IMMP2L: variants seen among roughly 807,000 people sequenced by gnomAD.
IMMP2L encodes mitochondrial inner membrane protease subunit 2.
In IMMP2L, 18 loss-of-function variants were observed where a neutral mutation model predicts 19.3. That is an observed-to-expected ratio of 0.93 (90% CI 0.64 to 1.38). The LOEUF (loss-of-function observed/expected upper bound fraction) is 1.38, where lower values mean the gene tolerates loss of function less well. Among genes scored for constraint, IMMP2L ranks in the 40% most tolerant of loss-of-function variants. IMMP2L has a pLI of 0.00. For missense variants in IMMP2L, 233 were observed against 218.2 expected, an observed-to-expected ratio of 1.07 and a Z score of -0.43; for synonymous variants, 76 against 73.0, an observed-to-expected ratio of 1.04 and a Z score of -0.21.
chr7:111,335,543 G>T (rs1367331216), intron 3 of IMMP2L, among the ~76,000 whole-genome samples: 1 of 152,090 alleles, frequency 6.6e-6, no homozygotes, highest in East Asian at 1.9e-4. Context: ...ATATCTCCAA[G>T]ATCACTAATA....
chr7:110,838,306 T>G (rs1804708716), intron 5 of IMMP2L, among the ~76,000 whole-genome samples: 1 of 152,170 alleles, frequency 6.6e-6, no homozygotes, highest in African/African-American at 2.4e-5. Context: ...GACGTTTTAT[T>G]ATATTGTATT....
At chr7:110,694,118 C>T (rs1179221646) in intron 5 of IMMP2L, among the ~76,000 whole-genome samples, 2 of 152,118 alleles carry the variant, frequency 1.3e-5, no homozygotes, top group African/African-American at 2.4e-5. Context: ...GTGAAATAGA[C>T]TTGTGAAACT....
intron 5 of IMMP2L, among the ~76,000 whole-genome samples, chr7:110,822,146 T>C (rs1803089328): frequency 6.6e-6 from 1 of 152,086 alleles, no homozygotes; most frequent in Admixed American, 6.6e-5. Flanking sequence ...TCTCCTAAAT[T>C]CTTTCTTCTG....
At chr7:111,493,442 C>T (rs1356998467) in intron 2 of IMMP2L, among the ~76,000 whole-genome samples, 2 of 152,152 alleles carry the variant, frequency 1.3e-5, no homozygotes, top group Admixed American at 6.5e-5. Flanking sequence ...GTGGCTCACG[C>T]CTGTAATCCC....
chr7:110,907,648 C>T (rs1191304005), intron 4 of IMMP2L, among the ~76,000 whole-genome samples: 1 of 152,194 alleles, frequency 6.6e-6, no homozygotes, highest in Non-Finnish European at 1.5e-5. Context: ...TACCTGCCTC[C>T]TGTCCCTATC....
intron 1 of IMMP2L, among the ~76,000 whole-genome samples, chr7:111,536,460 C>A (rs1480364688): frequency 6.6e-6 from 1 of 151,956 alleles, no homozygotes; most frequent in Non-Finnish European, 1.5e-5. Flanking sequence ...TGCACACCAC[C>A]AGGCCTGGCT....
intron 5 of IMMP2L, among the ~76,000 whole-genome samples, chr7:110,695,881 C>A (rs149252465): frequency 7.4e-4 from 113 of 152,318 alleles, no homozygotes; most frequent in African/African-American, 2.5e-3. Context: ...AGGACATATG[C>A]TGTGGGAACT....
At chr7:111,502,356 C>T (rs982148447) in intron 2 of IMMP2L, among the ~76,000 whole-genome samples, 10 of 152,086 alleles carry the variant, frequency 6.6e-5, no homozygotes, top group Non-Finnish European at 1.3e-4. Context: ...CTTAGACTCC[C>T]ACACAATAAT....
At chr7:110,936,997 G>GA (rs1406962852) in intron 4 of IMMP2L, among the ~76,000 whole-genome samples, 1 of 152,050 alleles carries the variant, frequency 6.6e-6, no homozygotes, top group Non-Finnish European at 1.5e-5. Flanking sequence ...AGTGGGAGTT[G>GA]AACAATGAGA....
chr7:111,221,478 A>G (rs1812503756), intron 3 of IMMP2L, among the ~76,000 whole-genome samples: 1 of 151,986 alleles, frequency 6.6e-6, no homozygotes, highest in South Asian at 2.1e-4. Context: ...TAGACAAGTA[A>G]CAAGCATTTC....
chr7:111,135,337 C>A (rs1156239906), intron 3 of IMMP2L, among the ~76,000 whole-genome samples: 1 of 152,088 alleles, frequency 6.6e-6, no homozygotes, highest in African/African-American at 2.4e-5. Flanking sequence ...TCCATGCTAA[C>A]CTACCTTGAT....
chr7:111,268,662 G>C (rs1312207146), intron 3 of IMMP2L, among the ~76,000 whole-genome samples: 1 of 131,620 alleles, frequency 7.6e-6, no homozygotes, highest in Non-Finnish European at 1.5e-5. Context: ...GCATGAACGG[G>C]GCTCACTAAA....
intron 5 of IMMP2L, among the ~76,000 whole-genome samples, chr7:110,845,622 G>A (rs1440981384): frequency 6.6e-6 from 1 of 152,054 alleles, no homozygotes; most frequent in Non-Finnish European, 1.5e-5. Flanking sequence ...GTAGATCATA[G>A]GTACTCTTTA....
At chr7:111,275,944 A>G (rs1818992027) in intron 3 of IMMP2L, among the ~76,000 whole-genome samples, 1 of 152,118 alleles carries the variant, frequency 6.6e-6, no homozygotes, top group South Asian at 2.1e-4. Context: ...TGTTCAGTGG[A>G]GTCTGCCGGG....
intron 3 of IMMP2L, among the ~76,000 whole-genome samples, chr7:111,099,067 G>A (rs1002030662): frequency 6.6e-6 from 1 of 151,458 alleles, no homozygotes; most frequent in Non-Finnish European, 1.5e-5. Context: ...ATGATTTTTT[G>A]TAGTTCAATT....
chr7:111,361,659 G>A (rs867442427), intron 3 of IMMP2L, among the ~76,000 whole-genome samples: 1 of 152,028 alleles, frequency 6.6e-6, no homozygotes, highest in African/African-American at 2.4e-5. Context: ...GCTGCCTAGG[G>A]ATACTAGTAG....
intron 4 of IMMP2L, among the ~76,000 whole-genome samples, chr7:110,932,580 T>C (rs902203796): frequency 6.6e-6 from 1 of 152,114 alleles, no homozygotes; most frequent in African/African-American, 2.4e-5. Flanking sequence ...GGTCTCGATC[T>C]CCTGACCTCG....
chr7:111,467,399 G>T (rs1840776885), intron 3 of IMMP2L, among the ~76,000 whole-genome samples: 1 of 152,084 alleles, frequency 6.6e-6, no homozygotes, highest in Non-Finnish European at 1.5e-5. Context: ...TGTAAAGATG[G>T]TATTCATTTT....
In IMMP2L at chr7:111,112,108, C is replaced by T. The variant is rs751896336; in HGVS notation, c.240-148543G>A. ...GTTTACAGGCGCATGCCACCACACCCGGCTAATTTTTGTATTTTTAGTAGA... is the reference window on the plus strand; with the variant it reads ...GTTTACAGGCGCATGCCACCACACCTGGCTAATTTTTGTATTTTTAGTAGA... On this transcript the variant is annotated intron_variant, in intron 3 of 5. Transcript: ENST00000405709. 5.9e-4 allele frequency among the ~76,000 whole-genome samples: 89 copies of T among 151,478 alleles called. 1 individual carries two copies. Among genetic ancestry groups the T allele is most frequent in the Non-Finnish European group, 9.0e-4 (61 of 67,830 alleles).
Sources: allele counts gnomAD v4.1 joint callset (sites outside exome capture counted in the v4.1 genomes callset), GRCh38; gene constraint gnomAD v4.1.1; transcripts MANE v1.5; gene names NCBI Gene and HGNC (gene_info 2026-07-23, HGNC 2026-07-21).